The following CNTNAP2 variants were observed in gnomAD, a reference collection of about 807,000 sequenced individuals.
CNTNAP2 encodes contactin associated protein 2.
A neutral mutation model predicts 155.2 loss-of-function variants in CNTNAP2; 98 were observed. That is an observed-to-expected ratio of 0.63 (90% CI 0.54 to 0.75). The LOEUF (loss-of-function observed/expected upper bound fraction) is 0.75. Among genes scored for constraint, CNTNAP2 ranks in the 30% least tolerant of loss-of-function variants. The probability of loss-of-function intolerance (pLI) is 0.00; values close to 1 mark genes in which losing one functional copy is unlikely to be tolerated. For synonymous variants in CNTNAP2, 651 were observed against 631.2 expected, an observed-to-expected ratio of 1.03 and a Z score of -0.47; for missense variants, 1,727 against 1,688.1, an observed-to-expected ratio of 1.02 and a Z score of -0.40.
At chr7:147,883,629 G>A (rs2116719760) in intron 13 of CNTNAP2, among the ~76,000 whole-genome samples, 1 of 152,308 alleles carries the variant, frequency 6.6e-6, no homozygotes, top group African/African-American at 2.4e-5. Context: ...CTGATTAGGT[G>A]TGATAAAGTT....
intron 13 of CNTNAP2, among the ~76,000 whole-genome samples, chr7:147,709,207 C>A (rs908052453): frequency 3.3e-5 from 5 of 152,198 alleles, no homozygotes; most frequent in Admixed American, 1.3e-4. Flanking sequence ...AGGTCATCAA[C>A]ATCCCCTACA....
At chr7:147,525,790 T>C (rs1042816987) in intron 11 of CNTNAP2, among the ~76,000 whole-genome samples, 3 of 152,202 alleles carry the variant, frequency 2.0e-5, no homozygotes, top group African/African-American at 7.2e-5. Flanking sequence ...ATATTATGAC[T>C]CTTTCATATT....
chr7:146,393,504 A>G (rs538024488), intron 1 of CNTNAP2, among the ~76,000 whole-genome samples: 2 of 152,238 alleles, frequency 1.3e-5, no homozygotes, highest in Admixed American at 6.5e-5. Flanking sequence ...ATTATGGTTC[A>G]CCTTTACACC....
intron 1 of CNTNAP2, among the ~76,000 whole-genome samples, chr7:146,173,540 A>G (rs756360218): frequency 2.0e-5 from 3 of 152,124 alleles, no homozygotes; most frequent in Non-Finnish European, 4.4e-5. Context: ...ATAAGGCTAA[A>G]TTCAAATCTG....
intron 14 of CNTNAP2, among the ~76,000 whole-genome samples, chr7:147,934,268 G>T (rs1305208975): frequency 6.6e-6 from 1 of 152,136 alleles, no homozygotes. Flanking sequence ...ATTTAAAAAA[G>T]AAAGAGGTTT....
chr7:147,581,756 TAAAA>T (rs528829853), intron 12 of CNTNAP2, among the ~76,000 whole-genome samples: 2 of 152,178 alleles, frequency 1.3e-5, no homozygotes, highest in Non-Finnish European at 2.9e-5. Context: ...TTATCTGAAA[TAAAA>T]CAACAACAAA....
intron 18 of CNTNAP2, among the ~76,000 whole-genome samples, chr7:148,197,090 A>G (rs996910355): frequency 1.3e-5 from 2 of 152,216 alleles, no homozygotes; most frequent in Admixed American, 6.5e-5. Context: ...ATTAATGTAC[A>G]TCATAAAATA....
At chr7:147,428,093 A>G (rs946137234) in intron 10 of CNTNAP2, among the ~76,000 whole-genome samples, 2 of 152,104 alleles carry the variant, frequency 1.3e-5, no homozygotes, top group Admixed American at 6.5e-5. Context: ...CTCATATTAA[A>G]AGAAATACTA....
At chr7:146,554,729 C>T (rs960367071) in intron 1 of CNTNAP2, among the ~76,000 whole-genome samples, 4 of 152,224 alleles carry the variant, frequency 2.6e-5, no homozygotes, top group Non-Finnish European at 2.9e-5. Context: ...ACTGTAAACT[C>T]GGTGTGCAGG....
intron 1 of CNTNAP2, among the ~76,000 whole-genome samples, chr7:146,499,570 CT>C (rs1009646824): frequency 4.6e-5 from 7 of 152,012 alleles, no homozygotes; most frequent in East Asian, 1.9e-4. Flanking sequence ...GGATTAGCTT[CT>C]TTTTTTTATC....
rs1274855750 is a variant in CNTNAP2, at chr7:146,535,365, G to A, written c.98-238906G>A. Among the ~76,000 whole-genome samples the A allele has an allele frequency of 4.5e-5, 2 of 44,384 alleles. 1 individual carries two copies. Among genetic ancestry groups the A allele is most frequent in the South Asian group, 1.3e-3 (2 of 1,546 alleles). 29.1% of individuals were successfully genotyped at this position (44,384 alleles called of 152,430 possible). A position where few individuals can be genotyped will look rare whatever the true frequency, so the allele number is the denominator to read the frequency against. ...CATATTATATATGATATTATATAAT[G>A]TATATTATATATGATATAATATATG... On this transcript the variant is annotated intron_variant, in intron 1 of 23. Coordinates refer to ENST00000361727, the MANE Select transcript of CNTNAP2 (RefSeq NM_014141.6).
At chr7:146,976,944 G>GT (rs1360195556) in intron 3 of CNTNAP2, among the ~76,000 whole-genome samples, 1 of 152,076 alleles carries the variant, frequency 6.6e-6, no homozygotes, top group African/African-American at 2.4e-5. Flanking sequence ...GAATTTCTTT[G>GT]TAGCCCCCTC....
chr7:147,979,179 G>A (rs1277051533), intron 15 of CNTNAP2, among the ~76,000 whole-genome samples: 1 of 152,130 alleles, frequency 6.6e-6, no homozygotes. Flanking sequence ...ACTTTGTACT[G>A]ATTTTTCTCT....
At chr7:147,281,734 A>G (rs966454431) in intron 8 of CNTNAP2, among the ~76,000 whole-genome samples, 4 of 151,886 alleles carry the variant, frequency 2.6e-5, no homozygotes, top group African/African-American at 9.7e-5. Flanking sequence ...CAAGAAGAAT[A>G]TTTCTTAACA....
At chr7:148,382,799 C>T (rs983661144) in intron 21 of CNTNAP2, among the ~76,000 whole-genome samples, 6 of 152,192 alleles carry the variant, frequency 3.9e-5, no homozygotes, top group Non-Finnish European at 8.8e-5. Context: ...GAGGTCAGTC[C>T]GCCTGGCCCA....
intron 15 of CNTNAP2, among the ~76,000 whole-genome samples, chr7:148,073,572 CCATTCA>C: frequency 6.6e-6 from 1 of 152,222 alleles, no homozygotes; most frequent in Middle Eastern, 3.4e-3. Flanking sequence ...TGCAGTGCTT[CCATTCA>C]AAAATTCCTT....
At chr7:146,533,017 G>A (rs984173181) in intron 1 of CNTNAP2, among the ~76,000 whole-genome samples, 1 of 147,966 alleles carries the variant, frequency 6.8e-6, no homozygotes, top group Non-Finnish European at 1.5e-5. Context: ...GAGGAGAATT[G>A]CTTGAACCCG....
intron 10 of CNTNAP2, among the ~76,000 whole-genome samples, chr7:147,425,214 C>A (rs1229437963): frequency 2.8e-5 from 4 of 144,950 alleles, no homozygotes; most frequent in Non-Finnish European, 4.5e-5. Flanking sequence ...TTCTAAACGA[C>A]AAAAAAAAAA....
chr7:147,872,837 C>A (rs1260151375), intron 13 of CNTNAP2, among the ~76,000 whole-genome samples: 1 of 151,750 alleles, frequency 6.6e-6, no homozygotes, highest in Non-Finnish European at 1.5e-5. Context: ...AAATGCCAAA[C>A]AAGAGGAAAA....
Sources: allele counts gnomAD v4.1 joint callset (sites outside exome capture counted in the v4.1 genomes callset), GRCh38; gene constraint gnomAD v4.1.1; transcripts MANE v1.5; gene names NCBI Gene and HGNC (gene_info 2026-07-23, HGNC 2026-07-21).